The following CSMD1 variants were observed in gnomAD, a reference collection of about 807,000 sequenced individuals.
The protein encoded by CSMD1 is CUB and sushi domain-containing protein 1.
In CSMD1, 213 loss-of-function variants were observed where a neutral mutation model predicts 417.5. The ratio of observed to expected loss-of-function variants is 0.51; its 90% CI spans 0.46 to 0.57. The LOEUF is 0.57. CSMD1 is among the 20% of genes least tolerant of loss of function. The probability of loss-of-function intolerance (pLI) is 0.00; values close to 1 mark genes in which losing one functional copy is unlikely to be tolerated. For synonymous variants in CSMD1, 2,862 were observed against 1,736.8 expected (o/e 1.65, Z -16.11); for missense variants, 6,923 against 4,529.7 (o/e 1.53, Z -15.17).
chr8:4,346,321 C>T (rs1800775621), intron 3 of CSMD1, among the ~76,000 whole-genome samples: 2 of 152,080 alleles, frequency 1.3e-5, no homozygotes, highest in South Asian at 4.1e-4. Flanking sequence ...ACCATAAATC[C>T]AGTTTTACTG....
rs139121483 is a variant in CSMD1 at position 3,545,871 on chromosome 8, G to A, written c.1344+29074C>T. Among the ~76,000 whole-genome samples the A allele has an allele frequency of 5.3e-5, 8 of 152,312 alleles. No homozygotes were observed. The East Asian group carries it at 1.5e-3, about 29-fold the overall frequency. On this transcript the variant is annotated intron_variant, in intron 10 of 69. Transcript: ENST00000635120. ...CACAAAAAGCAAAGTCAAGCAGTTGGTGCAAACTTAGTGATGTAGCAATAA... is the reference window on the plus strand; with the variant it reads ...CACAAAAAGCAAAGTCAAGCAGTTGATGCAAACTTAGTGATGTAGCAATAA...
chr8:4,358,675 A>T (rs949291369), intron 3 of CSMD1, among the ~76,000 whole-genome samples: 5 of 152,236 alleles, frequency 3.3e-5, no homozygotes, highest in Non-Finnish European at 7.3e-5. Context: ...GGTATTTTGC[A>T]TACTTTTTCT....
intron 22 of CSMD1, among the ~76,000 whole-genome samples, chr8:3,344,344 G>A (rs1187315507): frequency 6.6e-6 from 1 of 152,188 alleles, no homozygotes; most frequent in South Asian, 2.1e-4. Context: ...CCTAATGCAT[G>A]CGGGGCTTAA....
At chr8:3,718,685 G>C (rs1018459288) in intron 6 of CSMD1, among the ~76,000 whole-genome samples, 9 of 152,176 alleles carry the variant, frequency 5.9e-5, no homozygotes, top group Non-Finnish European at 1.3e-4. Context: ...CTTGATGACT[G>C]AACTCTTTAC....
intron 31 of CSMD1, among the ~76,000 whole-genome samples, chr8:3,202,396 G>A (rs1797035895): frequency 6.6e-6 from 1 of 152,130 alleles, no homozygotes; most frequent in Non-Finnish European, 1.5e-5. Context: ...ATCCCTTGCT[G>A]TTTTCCACTC....
intron 3 of CSMD1, among the ~76,000 whole-genome samples, chr8:4,041,162 GC>G (rs1284273890): frequency 6.6e-6 from 1 of 151,422 alleles, no homozygotes; most frequent in Non-Finnish European, 1.5e-5. Context: ...GACTACAGGC[GC>G]CCGCCACCAC....
At position 3,531,516 on chromosome 8, in the gene CSMD1, G is replaced by A. The variant is rs543297665; in HGVS notation, c.1345-37790C>T. ...TTGAAATGCCCCAGGGTAGCATAAA[G>A]AAGAAGGCAGTGAGAGGGAGGCAGC... On this transcript the variant is annotated intron_variant, in intron 10 of 69. Coordinates refer to ENST00000635120, the MANE Select transcript of CSMD1 (RefSeq NM_033225.6). Among the ~76,000 whole-genome samples, 5 of 151,938 alleles carry A rather than the reference G, an allele frequency of 3.3e-5. No individual in the cohort carries two copies. In the South Asian group the frequency reaches 8.3e-4, roughly 25 times the overall value.
At chr8:4,929,522 T>A (rs1241578308) in intron 1 of CSMD1, among the ~76,000 whole-genome samples, 1 of 152,152 alleles carries the variant, frequency 6.6e-6, no homozygotes, top group Non-Finnish European at 1.5e-5. Flanking sequence ...GTCTTGATAT[T>A]TCAGAAGCAC....
chr8:4,526,009 T>C (rs2130426325), intron 2 of CSMD1, among the ~76,000 whole-genome samples: 1 of 152,282 alleles, frequency 6.6e-6, no homozygotes. Flanking sequence ...GGGAGCTCTG[T>C]TTCAGCTCTA....
Position 4,044,168 on chromosome 8 carries a change from T to G in CSMD1, c.416-12069A>C, listed in dbSNP as rs73494615. Among the ~76,000 whole-genome samples, 1,298 of 152,280 alleles carry G rather than the reference T, an allele frequency of 8.5e-3. 21 individuals carry two copies. Among genetic ancestry groups the G allele is most frequent in the African/African-American group, 0.03 (1,236 of 41,540 alleles). ...GTAAGAAAGAAGATGAGAGTTGGGG[T>G]GGACTCATTCATTCTAAAAGTTGAG... On this transcript the variant is annotated intron_variant, in intron 3 of 69. Coordinates refer to ENST00000635120, the MANE Select transcript of CSMD1 (RefSeq NM_033225.6).
At chr8:4,850,215 G>C (rs1007125305) in intron 1 of CSMD1, among the ~76,000 whole-genome samples, 1 of 152,138 alleles carries the variant, frequency 6.6e-6, no homozygotes, top group South Asian at 2.1e-4. Flanking sequence ...TGGGTTATCT[G>C]TCATTTTATT....
intron 4 of CSMD1, among the ~76,000 whole-genome samples, chr8:4,005,953 C>T (rs748172851): frequency 1.3e-5 from 2 of 152,090 alleles, no homozygotes; most frequent in East Asian, 1.9e-4. Context: ...TTAATTTATT[C>T]ATTCAATACA....
intron 10 of CSMD1, among the ~76,000 whole-genome samples, chr8:3,551,310 T>A (rs1288029512): frequency 1.3e-5 from 2 of 152,120 alleles, no homozygotes; most frequent in African/African-American, 4.8e-5. Context: ...AAACTCTATA[T>A]CAATATGTGA....
At chr8:4,380,725 G>A (rs1212608409) in intron 3 of CSMD1, among the ~76,000 whole-genome samples, 2 of 152,130 alleles carry the variant, frequency 1.3e-5, no homozygotes, top group African/African-American at 2.4e-5. Flanking sequence ...TTGTATCTAT[G>A]GGAGCACTTC....
At chr8:2,983,883 G>C (rs1287476762) in intron 54 of CSMD1, among the ~76,000 whole-genome samples, 1 of 152,146 alleles carries the variant, frequency 6.6e-6, no homozygotes, top group African/African-American at 2.4e-5. Flanking sequence ...AAAAGGAAAA[G>C]TAAAATCGAA....
intron 1 of CSMD1, among the ~76,000 whole-genome samples, chr8:4,689,535 A>G (rs1028071798): frequency 6.6e-6 from 1 of 152,220 alleles, no homozygotes; most frequent in Non-Finnish European, 1.5e-5. Flanking sequence ...AAAGTATCAT[A>G]AGGATTATTA....
At chr8:3,255,978 T>C (rs1233432092) in intron 26 of CSMD1, among the ~76,000 whole-genome samples, 2 of 152,130 alleles carry the variant, frequency 1.3e-5, no homozygotes, top group Non-Finnish European at 2.9e-5. Flanking sequence ...AGCTGTAGAC[T>C]GGAGCTGTTC....
At chr8:4,983,297 A>G (rs77225918) in intron 1 of CSMD1, among the ~76,000 whole-genome samples, 5,097 of 152,326 alleles carry the variant, frequency 0.033, 104 homozygotes, top group Middle Eastern at 0.13. Context: ...TGTTTTCACA[A>G]AATGTTGATG....
intron 1 of CSMD1, among the ~76,000 whole-genome samples, chr8:4,741,094 C>G (rs536056550): frequency 7.9e-5 from 12 of 152,110 alleles, no homozygotes; most frequent in Non-Finnish European, 1.5e-4. Flanking sequence ...ATTAAATTGG[C>G]TCACAAGATC....
Sources: gnomAD v4.1 joint callset for allele counts (sites outside exome capture counted in the v4.1 genomes callset) on GRCh38, gnomAD v4.1.1 for gene constraint, MANE v1.5 for transcripts, NCBI Gene and HGNC (gene_info 2026-07-23, HGNC 2026-07-21) for gene names.